Variants in SLC39A12 observed in about 807,000 individuals in gnomAD.
The protein encoded by SLC39A12 is solute carrier family 39 member 12.
SLC39A12 carries 63 observed loss-of-function variants against 71.1 expected under a neutral mutation model. The observed-to-expected ratio is 0.89, with a 90% confidence interval of 0.72 to 1.09. The LOEUF (loss-of-function observed/expected upper bound fraction) is 1.09, where lower values mean the gene tolerates loss of function less well. Ranked by LOEUF, SLC39A12 falls within the 50% of genes least tolerant of loss-of-function variation. The pLI, the probability that SLC39A12 is intolerant of heterozygous loss-of-function variation, is 0.00. For synonymous variants in SLC39A12, 351 were observed against 301.3 expected (o/e 1.16, Z -1.71); for missense variants, 892 against 812.6 (o/e 1.10, Z -1.19).
At chr10:17,984,955 A>G (rs1450963281) in intron 6 of SLC39A12, among the ~76,000 whole-genome samples, 1 of 152,214 alleles carries the variant, frequency 6.6e-6, no homozygotes, top group East Asian at 1.9e-4. Flanking sequence ...TGCCAACTCT[A>G]TTTTAATATT....
At chr10:17,974,439 G>A (rs1835053235) in intron 4 of SLC39A12, among the ~76,000 whole-genome samples, 1 of 152,122 alleles carries the variant, frequency 6.6e-6, no homozygotes, top group African/African-American at 2.4e-5. Context: ...AAGGACTTAG[G>A]TGTATGATCT....
intron 2 of SLC39A12, among the ~76,000 whole-genome samples, chr10:17,955,751 G>C (rs1293812672): frequency 6.6e-6 from 1 of 152,196 alleles, no homozygotes; most frequent in East Asian, 1.9e-4. Context: ...GTATCTGAGA[G>C]CATTGCACAT....
rs139521454 is a variant in SLC39A12, at chr10:17,980,931, T to C, written c.925-381T>C. Among the ~76,000 whole-genome samples the C allele has an allele frequency of 7.4e-4, 112 of 152,326 alleles. 1 individual carries two copies. In the East Asian group the frequency reaches 0.02, roughly 28 times the overall value. Reference sequence around the variant, plus strand: ...CTCATTACCATAGGACTTCTGTTTATTGTATGAAGTCTTTTTTAACACAAA... The same window carrying C: ...CTCATTACCATAGGACTTCTGTTTACTGTATGAAGTCTTTTTTAACACAAA... On this transcript the variant is annotated intron_variant, in intron 5 of 12. Transcript: ENST00000377369.
chr10:17,973,822 T>G (rs1239479481), intron 4 of SLC39A12, among the ~76,000 whole-genome samples: 1 of 151,776 alleles, frequency 6.6e-6, no homozygotes, highest in Non-Finnish European at 1.5e-5. Context: ...GAATAAACTT[T>G]CTACCCCTAT....
Position 18,036,777 on chromosome 10 carries a change from TATATATA to T in SLC39A12, c.1948-5927_1948-5921del, listed in dbSNP as rs1837048859. Among the ~76,000 whole-genome samples, 14 of 18,714 alleles carry T rather than the reference TATATATA, an allele frequency of 7.5e-4. 2 individuals are homozygous for T. Among genetic ancestry groups the T allele is most frequent in the African/African-American group, 2.1e-3 (13 of 6,288 alleles). The allele number at this position is 18,714 out of a possible 152,430, so 12.3% of individuals were successfully genotyped here. ...ATATATATATATATATATATATATA[TATATATA>T]TATATATATATTTTTTTTTTTAATG... On this transcript the variant is annotated intron_variant, in intron 12 of 12. Transcript: ENST00000377369.
intron 4 of SLC39A12, among the ~76,000 whole-genome samples, chr10:17,974,282 G>A (rs538700711): frequency 1.3e-4 from 19 of 151,996 alleles, no homozygotes; most frequent in Non-Finnish European, 2.2e-4. Flanking sequence ...TAATTCATTC[G>A]GCGAGGTCAT....
At chr10:17,994,178 C>G (rs944931518) in intron 9 of SLC39A12, among the ~76,000 whole-genome samples, 5 of 152,114 alleles carry the variant, frequency 3.3e-5, no homozygotes, top group African/African-American at 1.2e-4. Flanking sequence ...TTAAAAATCT[C>G]TTTAATACTG....
chr10:18,018,882 C>T (rs1215073085), intron 12 of SLC39A12, among the ~76,000 whole-genome samples: 1 of 152,028 alleles, frequency 6.6e-6, no homozygotes, highest in East Asian at 1.9e-4. Context: ...TGCTTTTGTT[C>T]TTAGGGTAAT....
chr10:17,984,772 T>TAGATAATAG (rs1835358953), intron 6 of SLC39A12, among the ~76,000 whole-genome samples: 1 of 152,206 alleles, frequency 6.6e-6, no homozygotes, highest in African/African-American at 2.4e-5. Flanking sequence ...TGTTGTGCAA[T>TAGATAATAG]AGATAATAGA....
chr10:17,995,768 A>C, intron 10 of SLC39A12, 46 bp downstream of exon 10: 1 of 1,511,440 alleles, frequency 6.6e-7, no homozygotes, highest in African/African-American at 1.4e-5. Flanking sequence ...CCATAGAAAA[A>C]CAGTTATGTC....
At chr10:18,000,908 T>C in intron 11 of SLC39A12, 83 bp downstream of exon 11, 5 of 1,306,114 alleles carry the variant, frequency 3.8e-6, no homozygotes, top group Non-Finnish European at 5.3e-6. Flanking sequence ...TAGGATTCTT[T>C]TTCTAACCTA....
At chr10:18,010,601 G>A (rs1224206600) in intron 12 of SLC39A12, 1 of 152,106 alleles carries the variant, frequency 6.6e-6, no homozygotes. Flanking sequence ...ATTTTCTACT[G>A]AGAAAATGAG....
At position 18,024,784 on chromosome 10, in the gene SLC39A12, T is replaced by C. The variant is rs536896483; in HGVS notation, c.1948-17921T>C. On this transcript the variant is annotated intron_variant, in intron 12 of 12. Transcript: ENST00000377369. Reference sequence around the variant, plus strand: ...ATTTTTGTCTCACATATTTTAATGCTGTCTTGGTAGGTACATACACATTAA... The same window carrying C: ...ATTTTTGTCTCACATATTTTAATGCCGTCTTGGTAGGTACATACACATTAA... Among the ~76,000 whole-genome samples, 130 of 152,368 alleles carry C rather than the reference T, an allele frequency of 8.5e-4. 1 individual carries two copies. The highest frequency in any genetic ancestry group is 3.0e-3 in the African/African-American group (123 of 41,594).
intron 2 of SLC39A12, among the ~76,000 whole-genome samples, chr10:17,960,202 T>C (rs1273685786): frequency 2.6e-5 from 4 of 152,162 alleles, no homozygotes; most frequent in African/African-American, 9.7e-5. Flanking sequence ...GAGGATTATT[T>C]TAGTAAAGTT....
chr10:17,969,276 T>C (rs1834909529), intron 4 of SLC39A12, among the ~76,000 whole-genome samples: 5 of 152,202 alleles, frequency 3.3e-5, no homozygotes, highest in Admixed American at 2.0e-4. Flanking sequence ...CTCTTCAATA[T>C]ACTAAGTTCG....
At chr10:18,028,012 C>A (rs753620462) in intron 12 of SLC39A12, among the ~76,000 whole-genome samples, 1 of 152,154 alleles carries the variant, frequency 6.6e-6, no homozygotes, top group Non-Finnish European at 1.5e-5. Flanking sequence ...TTCTTAGAAG[C>A]AAACATGGTT....
At position 18,042,997 on chromosome 10, in the gene SLC39A12, G is replaced by A; in HGVS notation, c.*164G>A. On this transcript the variant is annotated 3_prime_UTR_variant, in exon 13 of 13. Transcript: ENST00000377369. The stretch of plus-strand genomic sequence containing the variant: ...ATTTTATAATGCAGTTTTATTTTTG[G>A]AAACATATAAATATCAGACTGTCCT... 2.0e-6 allele frequency: 1 copy of A among 494,538 alleles called. No individual in the cohort carries two copies. Among genetic ancestry groups the A allele is most frequent in the Non-Finnish European group, 3.1e-6 (1 of 319,718 alleles). The allele number at this position is 494,538 out of a possible 1,614,324, so 30.6% of individuals were successfully genotyped here. A position where few individuals can be genotyped will look rare whatever the true frequency, so the allele number is the denominator to read the frequency against.
chr10:18,042,093 A>C (rs1460090781), intron 12 of SLC39A12, among the ~76,000 whole-genome samples: 1 of 152,048 alleles, frequency 6.6e-6, no homozygotes. Context: ...CCAAAATAAT[A>C]ATTTTGATGC....
At chr10:17,967,136 T>A (rs1328810095) in intron 4 of SLC39A12, among the ~76,000 whole-genome samples, 2 of 148,092 alleles carry the variant, frequency 1.4e-5, no homozygotes, top group African/African-American at 5.3e-5. Context: ...TGTTGCAAGT[T>A]TTTTTTTGTT....
Sources: allele counts gnomAD v4.1 joint callset (sites outside exome capture counted in the v4.1 genomes callset), GRCh38; gene constraint gnomAD v4.1.1; transcripts MANE v1.5; gene names NCBI Gene and HGNC (gene_info 2026-07-23, HGNC 2026-07-21).